RAI1: variants seen among roughly 807,000 people sequenced by gnomAD.
The protein encoded by RAI1 is retinoic acid-induced protein 1.
Under a neutral mutation model 123.8 loss-of-function variants are expected in RAI1, and 9 were observed. The ratio of observed to expected loss-of-function variants is 0.07; its 90% CI spans 0.04 to 0.13. RAI1 has a LOEUF of 0.13. Ranked by LOEUF, RAI1 falls within the 10% of genes least tolerant of loss-of-function variation. RAI1 has a pLI of 1.00. For missense variants in RAI1, 2,256 were observed against 2,545.8 expected (o/e 0.89, Z 2.45); for synonymous variants, 1,231 against 1,127.3 (o/e 1.09, Z -1.84).
At position 17,793,648 on chromosome 17, in the gene RAI1, C is replaced by G; in HGVS notation, c.700C>G (p.His234Asp). 1 of 1,613,274 alleles carries G rather than the reference C, an allele frequency of 6.2e-7. No homozygotes were observed. ...SSVQGGGQGA[H>D]SYKSCTAPTA... ...TGTCCAGGGTGGTGGGCAGGGGGCCCACTCCTATAAGAGTTGCACAGCACC... is the reference window on the plus strand; with the variant it reads ...TGTCCAGGGTGGTGGGCAGGGGGCCGACTCCTATAAGAGTTGCACAGCACC... The change falls in exon 3 of 6, where the codon CAC becomes GAC. Residue 234 changes from histidine to aspartate, a missense_variant. Physicochemically the swap from His to Asp is moderately conservative, Grantham distance 81. Around this residue, in one of 7 missense-constraint regions of RAI1, gnomAD observed 336 missense variants for 349.8 expected, o/e 0.96. Coordinates refer to ENST00000353383, the MANE Select transcript of RAI1 (RefSeq NM_030665.4).
rs556374827 is a variant in RAI1 at position 17,737,962 on chromosome 17, AG to A, written c.-17+13808del. ...CAGAGACCCTGCCCCTGGTGGGGGG[AG>A]GGGGCGCCCCCCACCCTGGCCCCAG... On this transcript the variant is annotated intron_variant, in intron 2 of 5. Transcript: ENST00000353383. Among the ~76,000 whole-genome samples, 153 of 151,636 alleles carry A rather than the reference AG, an allele frequency of 1.0e-3. 1 individual carries two copies. The highest frequency in any genetic ancestry group is 3.6e-3 in the African/African-American group (147 of 41,334).
At chr17:17,731,853 C>T (rs569296388) in intron 2 of RAI1, among the ~76,000 whole-genome samples, 36 of 152,262 alleles carry the variant, frequency 2.4e-4, no homozygotes, top group African/African-American at 8.4e-4. Flanking sequence ...TGTTCAGTCT[C>T]GGCTGAGAAG....
At chr17:17,786,723 C>T (rs2031839395) in intron 2 of RAI1, among the ~76,000 whole-genome samples, 1 of 152,218 alleles carries the variant, frequency 6.6e-6, no homozygotes, top group South Asian at 2.1e-4. Context: ...AGTCATGGAC[C>T]CTCTGGGCAT....
At chr17:17,722,120 GAGAC>G (rs910840597) in intron 1 of RAI1, among the ~76,000 whole-genome samples, 15 of 152,280 alleles carry the variant, frequency 9.9e-5, no homozygotes, top group South Asian at 6.2e-4. Context: ...CGAGGAGAAT[GAGAC>G]AGACAGACTC....
intron 2 of RAI1, among the ~76,000 whole-genome samples, chr17:17,767,457 A>G (rs1308569423): frequency 2.0e-5 from 3 of 152,138 alleles, no homozygotes; most frequent in Non-Finnish European, 4.4e-5. Flanking sequence ...AAATGAAGTC[A>G]GCTCCAGCCC....
chr17:17,719,432 C>T (rs537975633), intron 1 of RAI1, among the ~76,000 whole-genome samples: 3 of 152,332 alleles, frequency 2.0e-5, no homozygotes, highest in East Asian at 3.8e-4. Context: ...GCCTGCACAG[C>T]TTTGCCCCCA....
At chr17:17,706,527 G>T (rs1356388483) in intron 1 of RAI1, among the ~76,000 whole-genome samples, 1 of 152,236 alleles carries the variant, frequency 6.6e-6, no homozygotes, top group Non-Finnish European at 1.5e-5. Context: ...CCCAGGGCTG[G>T]ATGGCCAGTG....
At chr17:17,723,696 C>CCCT (rs1479424467) in intron 1 of RAI1, among the ~76,000 whole-genome samples, 1 of 149,244 alleles carries the variant, frequency 6.7e-6, no homozygotes, top group Non-Finnish European at 1.5e-5. Flanking sequence ...CTTCCCTGCC[C>CCCT]CCTCCTCCTC....
chr17:17,776,009 C>T (rs536453711), intron 2 of RAI1, among the ~76,000 whole-genome samples: 1 of 152,384 alleles, frequency 6.6e-6, no homozygotes, highest in Admixed American at 6.5e-5. Flanking sequence ...GCTGTGTACC[C>T]ACTGAGGAGG....
chr17:17,754,254 G>GAGTGC (rs1178454365), intron 2 of RAI1, among the ~76,000 whole-genome samples: 2 of 128,680 alleles, frequency 1.6e-5, no homozygotes, highest in African/African-American at 3.0e-5. Context: ...GCCCAGGCTA[G>GAGTGC]AGTGCAATGG....
At chr17:17,687,663 C>G (rs552193279) in intron 1 of RAI1, among the ~76,000 whole-genome samples, 3 of 152,164 alleles carry the variant, frequency 2.0e-5, no homozygotes, top group African/African-American at 7.2e-5. Flanking sequence ...CAGCATCCCT[C>G]GGGCAAGTCA....
At position 17,797,827 on chromosome 17, in the gene RAI1, C is replaced by T. The variant is rs770361272; in HGVS notation, c.4879C>T (p.Pro1627Ser). ...AGATGCGCCCAAGCCCCACAGGAAGCCTTCCTCCTCTGCCTCCTCTTCCTC... is the reference window on the plus strand; with the variant it reads ...AGATGCGCCCAAGCCCCACAGGAAGTCTTCCTCCTCTGCCTCCTCTTCCTC... Reference protein sequence around the residue: ...PGDAPKPHRKPSSSASSSSSS... With the variant: ...PGDAPKPHRKSSSSASSSSSS... Residue 1627 changes from proline (P) to serine (S), a missense_variant, in exon 3 of 6, where the codon CCT becomes TCT. Physicochemically the swap from Pro to Ser is moderately conservative, Grantham distance 74. Around this residue, in one of 7 missense-constraint regions of RAI1, gnomAD observed 410 missense variants for 374.6 expected, o/e 1.09. Transcript: ENST00000353383. 1.2e-6 allele frequency: 2 copies of T among 1,614,050 alleles called. No individual in the cohort carries two copies. Among genetic ancestry groups the T allele is most frequent in the Admixed American group, 1.7e-5 (1 of 60,030 alleles).
chr17:17,761,935 G>C (rs2030715389), intron 2 of RAI1, among the ~76,000 whole-genome samples: 1 of 152,120 alleles, frequency 6.6e-6, no homozygotes, highest in Non-Finnish European at 1.5e-5. Context: ...GGAGGCATGG[G>C]AGGGAGGTCT....
chr17:17,700,464 A>T (rs1915182402), intron 1 of RAI1, among the ~76,000 whole-genome samples: 2 of 151,904 alleles, frequency 1.3e-5, no homozygotes, highest in Non-Finnish European at 2.9e-5. Context: ...GCCGCCATCA[A>T]AGCGTCTTCT....
At chr17:17,757,031 C>G (rs1278118129) in intron 2 of RAI1, among the ~76,000 whole-genome samples, 1 of 152,184 alleles carries the variant, frequency 6.6e-6, no homozygotes, top group Non-Finnish European at 1.5e-5. Flanking sequence ...ACCCTATCTC[C>G]GCGGGGTCAG....
At position 17,811,393 on chromosome 17, in the gene RAI1, A is replaced by G; in HGVS notation, c.*1412A>G. Reference sequence around the variant, plus strand: ...TTTTCCTTAAGAGTAAAAAACAGTCATTGCATTCAGAAAAAAAAAAAAAAA... The same window carrying G: ...TTTTCCTTAAGAGTAAAAAACAGTCGTTGCATTCAGAAAAAAAAAAAAAAA... On this transcript the variant is annotated 3_prime_UTR_variant, in exon 6 of 6. Coordinates refer to ENST00000353383, the MANE Select transcript of RAI1 (RefSeq NM_030665.4). The G allele has an allele frequency of 5.0e-6, 1 of 201,652 alleles. No homozygotes were observed. The highest frequency in any genetic ancestry group is 9.2e-6 in the Non-Finnish European group (1 of 108,202). 12.5% of individuals were successfully genotyped at this position (201,652 alleles called of 1,614,324 possible).
At chr17:17,772,249 C>T (rs2031189200) in intron 2 of RAI1, among the ~76,000 whole-genome samples, 1 of 152,152 alleles carries the variant, frequency 6.6e-6, no homozygotes, top group African/African-American at 2.4e-5. Context: ...CTGTGGAGTC[C>T]TGCCAATGCT....
intron 2 of RAI1, among the ~76,000 whole-genome samples, chr17:17,730,369 C>A (rs187908641): frequency 6.6e-6 from 1 of 152,240 alleles, no homozygotes; most frequent in African/African-American, 2.4e-5. Context: ...CACCCCTAGG[C>A]CCCGCAGGGC....
Position 17,707,422 on chromosome 17 carries a change from GC to G in RAI1, c.-148-16605del, listed in dbSNP as rs536266697. Among the ~76,000 whole-genome samples, 85 of 152,310 alleles carry G rather than the reference GC, an allele frequency of 5.6e-4. 1 individual carries two copies. The highest frequency in any genetic ancestry group is 1.8e-3 in the Admixed American group (27 of 15,298). The stretch of plus-strand genomic sequence containing the variant: ...GCCTCCCTGAGAAGGTGACAGGTGA[GC>G]AAAGACTCGAGGGAGGTCAGTGAAC... On this transcript the variant is annotated intron_variant, in intron 1 of 5. Coordinates refer to ENST00000353383, the MANE Select transcript of RAI1 (RefSeq NM_030665.4).
Sources: allele counts gnomAD v4.1 joint callset (sites outside exome capture counted in the v4.1 genomes callset), GRCh38; gene constraint gnomAD v4.1.1; regional missense constraint gnomAD v4.1.1; transcripts MANE v1.5; gene names NCBI Gene and HGNC (gene_info 2026-07-23, HGNC 2026-07-21).